Variants in FIGN observed in about 807,000 individuals in gnomAD.
The protein encoded by FIGN is fidgetin, microtubule severing factor, also known as fidgetin.
FIGN carries 11 observed loss-of-function variants against 51.3 expected under a neutral mutation model. That is an observed-to-expected ratio of 0.21 (90% CI 0.13 to 0.35). The LOEUF (loss-of-function observed/expected upper bound fraction) is 0.35. FIGN is among the 10% of genes least tolerant of loss of function. FIGN has a pLI of 1.00. For missense variants in FIGN, 857 were observed against 943.6 expected (o/e 0.91, Z 1.20); for synonymous variants, 407 against 363.2 (o/e 1.12, Z -1.37).
chr2:163,643,932 C>CAAAAAAAA (rs1162234909), intron 2 of FIGN, among the ~76,000 whole-genome samples: 251 of 19,076 alleles, frequency 0.013, 76 homozygotes, highest in African/African-American at 0.024. Context: ...AACTCTGTCT[C>CAAAAAAAA]AAAAAAAAAA....
intron 2 of FIGN, among the ~76,000 whole-genome samples, chr2:163,673,055 T>G (rs1683903856): frequency 6.6e-6 from 1 of 152,070 alleles, no homozygotes; most frequent in Non-Finnish European, 1.5e-5. Context: ...TAAGTATGTG[T>G]GTGAGGATAG....
At chr2:163,638,413 C>G (rs1033938590) in intron 2 of FIGN, among the ~76,000 whole-genome samples, 1 of 151,980 alleles carries the variant, frequency 6.6e-6, no homozygotes, top group African/African-American at 2.4e-5. Flanking sequence ...AAACTTGAAG[C>G]TCAGAAAGGT....
At chr2:163,728,614 T>C (rs1449237639) in intron 2 of FIGN, among the ~76,000 whole-genome samples, 1 of 152,184 alleles carries the variant, frequency 6.6e-6, no homozygotes, top group Non-Finnish European at 1.5e-5. Flanking sequence ...CTCATTAGTA[T>C]CTTTTTCGGC....
chr2:163,678,284 G>A (rs373140357), intron 2 of FIGN, among the ~76,000 whole-genome samples: 2 of 151,796 alleles, frequency 1.3e-5, no homozygotes, highest in Non-Finnish European at 2.9e-5. Flanking sequence ...GCAGTGGTGC[G>A]ATCTTGGCTC....
intron 2 of FIGN, among the ~76,000 whole-genome samples, chr2:163,699,779 T>G (rs1248341958): frequency 1.3e-5 from 2 of 152,266 alleles, no homozygotes; most frequent in African/African-American, 4.8e-5. Context: ...ACAGAAATTT[T>G]TTTGGTAAAT....
intron 2 of FIGN, among the ~76,000 whole-genome samples, chr2:163,719,315 G>T (rs1056094545): frequency 6.6e-6 from 1 of 152,080 alleles, no homozygotes; most frequent in African/African-American, 2.4e-5. Flanking sequence ...TGGAATTATG[G>T]CGGTAAGAAG....
chr2:163,714,197 C>T (rs958765281), intron 2 of FIGN, among the ~76,000 whole-genome samples: 11 of 152,182 alleles, frequency 7.2e-5, no homozygotes, highest in Non-Finnish European at 7.3e-5. Flanking sequence ...CTGATAAGCT[C>T]TCAGGTACCC....
chr2:163,734,966 A>G lies in FIGN; in HGVS notation c.-39T>C. On this transcript the variant is annotated 5_prime_UTR_variant, in exon 2 of 3. It removes the in-frame stop codon of an upstream open reading frame in the 5' UTR. Transcript: ENST00000333129. Reference sequence around the variant, plus strand: ...CACAAAAAGCTGAATTGGATTTCTCACAAGCAGGAATTCCAAAGGTTGCTT... The same window carrying G: ...CACAAAAAGCTGAATTGGATTTCTCGCAAGCAGGAATTCCAAAGGTTGCTT... 1 of 1,608,940 alleles carries G rather than the reference A, an allele frequency of 6.2e-7. No homozygotes were observed. Among genetic ancestry groups the G allele is most frequent in the Non-Finnish European group, 8.5e-7 (1 of 1,177,482 alleles).
chr2:163,734,350 A>C (rs13422488), intron 2 of FIGN, among the ~76,000 whole-genome samples: 9,023 of 147,388 alleles, frequency 0.061, 900 homozygotes, highest in African/African-American at 0.21. Context: ...CGCCCCCCCC[A>C]AAAAAAAACC....
rs912738291 is a variant in FIGN, at chr2:163,672,531, C to CA, written c.26-60726dup. Among the ~76,000 whole-genome samples the CA allele has an allele frequency of 1.1e-4, 17 of 152,248 alleles. No individual in the cohort carries two copies. In the East Asian group the frequency reaches 2.1e-3, roughly 19 times the overall value. ...GGGCTTTAGTACAGTGCTCTGCACA[C>CA]AATAGGTGCTTCACAGATATTTGCA... On this transcript the variant is annotated intron_variant, in intron 2 of 2. Transcript: ENST00000333129.
chr2:163,707,405 T>C (rs1431087346), intron 2 of FIGN, among the ~76,000 whole-genome samples: 1 of 152,048 alleles, frequency 6.6e-6, no homozygotes, highest in Non-Finnish European at 1.5e-5. Context: ...ATGATCCTCA[T>C]TTTATTCTCT....
chr2:163,633,614 G>A (rs1364301889), intron 2 of FIGN, among the ~76,000 whole-genome samples: 1 of 152,124 alleles, frequency 6.6e-6, no homozygotes, highest in African/African-American at 2.4e-5. Flanking sequence ...CATTGACAGA[G>A]TCCCAGAATG....
intron 2 of FIGN, among the ~76,000 whole-genome samples, chr2:163,686,758 G>A (rs375615712): frequency 7.3e-6 from 1 of 136,700 alleles, no homozygotes; most frequent in Non-Finnish European, 1.6e-5. Context: ...GTATGTATGT[G>A]TATATATATA....
intron 2 of FIGN, among the ~76,000 whole-genome samples, chr2:163,649,060 A>G (rs969151826): frequency 9.2e-5 from 14 of 152,206 alleles, no homozygotes; most frequent in African/African-American, 3.4e-4. Context: ...GGAATATACT[A>G]TATTTTGAAG....
chr2:163,644,148 C>T (rs1683348640), intron 2 of FIGN, among the ~76,000 whole-genome samples: 1 of 151,844 alleles, frequency 6.6e-6, no homozygotes. Flanking sequence ...GGTGGAAAGA[C>T]AACTCACAAG....
At chr2:163,654,201 G>A (rs1683523928) in intron 2 of FIGN, among the ~76,000 whole-genome samples, 2 of 151,952 alleles carry the variant, frequency 1.3e-5, no homozygotes, top group Non-Finnish European at 2.9e-5. Context: ...GAACTATCAT[G>A]GAGCTTGCAT....
At chr2:163,633,271 G>T (rs905178474) in intron 2 of FIGN, among the ~76,000 whole-genome samples, 2 of 152,154 alleles carry the variant, frequency 1.3e-5, no homozygotes, top group Admixed American at 1.3e-4. Flanking sequence ...AGTTAGATGT[G>T]TATAAGGGGA....
Position 163,727,015 on chromosome 2 carries a change from A to T in FIGN, c.25+7888T>A, listed in dbSNP as rs531194851. ...ATAATTATCTTGTAAGATTAAAATC[A>T]CTGAATCATACCGAATTAAGATTTA... On this transcript the variant is annotated intron_variant, in intron 2 of 2. Transcript: ENST00000333129. Among the ~76,000 whole-genome samples, 307 of 152,194 alleles carry T rather than the reference A, an allele frequency of 2.0e-3. 2 individuals carry two copies. The highest frequency in any genetic ancestry group is 6.9e-3 in the African/African-American group (286 of 41,568).
chr2:163,602,984 T>C lies in FIGN; in HGVS notation c.*6568A>G, dbSNP rs961534790. 6.6e-6 allele frequency: 1 copy of C among 152,044 alleles called. No individual in the cohort carries two copies. The allele number at this position is 152,044 out of a possible 1,614,324, so 9.4% of individuals were successfully genotyped here. A position where few individuals can be genotyped will look rare whatever the true frequency, so the allele number is the denominator to read the frequency against. On this transcript the variant is annotated 3_prime_UTR_variant, in exon 3 of 3. Coordinates refer to ENST00000333129, the MANE Select transcript of FIGN (RefSeq NM_018086.4). ...CATTTTCAGATCTCCAAGTTAATTG[T>C]ACAGCAGCTTCCTACACACATATGA... is the stretch of plus-strand genomic sequence containing the variant.
Sources: gnomAD v4.1 joint callset for allele counts (sites outside exome capture counted in the v4.1 genomes callset) on GRCh38, gnomAD v4.1.1 for gene constraint, MANE v1.5 for transcripts, NCBI Gene and HGNC (gene_info 2026-07-23, HGNC 2026-07-21) for gene names.